FGF20: variants seen among roughly 807,000 people sequenced by gnomAD.
FGF20 encodes fibroblast growth factor 20.
Under a neutral mutation model 16.7 loss-of-function variants are expected in FGF20, and 8 were observed. The observed-to-expected ratio is 0.48, with a 90% CI of 0.28 to 0.87. The LOEUF (loss-of-function observed/expected upper bound fraction) is 0.87. Among genes scored for constraint, FGF20 ranks in the 40% least tolerant of loss-of-function variants. The pLI is 0.10. For missense variants in FGF20, 397 were observed against 281.4 expected (o/e 1.41, Z -2.94); for synonymous variants, 161 against 118.6 (o/e 1.36, Z -2.32).
intron 1 of FGF20, among the ~76,000 whole-genome samples, chr8:16,997,874 T>C (rs538732553): frequency 6.6e-6 from 1 of 152,346 alleles, no homozygotes; most frequent in African/African-American, 2.4e-5. Flanking sequence ...ATTCAGGCTA[T>C]AATTACAAAT....
intron 1 of FGF20, among the ~76,000 whole-genome samples, chr8:16,996,567 A>C (rs577961205): frequency 6.6e-6 from 1 of 152,336 alleles, no homozygotes; most frequent in South Asian, 2.1e-4. Flanking sequence ...TGATCTCATC[A>C]GTTAATTATA....
intron 2 of FGF20, 38 bp from the exon 3 acceptor site, chr8:16,993,355 T>A: frequency 6.5e-7 from 1 of 1,537,570 alleles, no homozygotes. Context: ...TTTAAAAAAA[T>A]ACCTTTGAGA....
chr8:17,002,233 G>A lies in FGF20; in HGVS notation c.-201C>T. 2.0e-6 allele frequency: 1 copy of A among 501,170 alleles called. No individual in the cohort carries two copies. Among genetic ancestry groups the A allele is most frequent in the Non-Finnish European group, 3.3e-6 (1 of 300,506 alleles). The allele number at this position is 501,170 out of a possible 1,614,324, so 31.0% of individuals were successfully genotyped here. Reference sequence around the variant, plus strand: ...TCTTGGAGCGATCTTCTCTCCTTGGGTAGGTGGGAGCCGGCTGCTGGCTCT... The same window carrying A: ...TCTTGGAGCGATCTTCTCTCCTTGGATAGGTGGGAGCCGGCTGCTGGCTCT... On this transcript the variant is annotated 5_prime_UTR_variant, in exon 1 of 3. Transcript: ENST00000180166.
At position 17,002,089 on chromosome 8, in the gene FGF20, G is replaced by A. The variant is rs149242678; in HGVS notation, c.-57C>T. On this transcript the variant is annotated 5_prime_UTR_variant, in exon 1 of 3. Transcript: ENST00000180166. Reference sequence around the variant, plus strand: ...CCCAGTAAAGAGTGTTGTGGGGGTGGGATGGAGGTGGATAGAGAAAAATTA... The same window carrying A: ...CCCAGTAAAGAGTGTTGTGGGGGTGAGATGGAGGTGGATAGAGAAAAATTA... The A allele has an allele frequency of 6.9e-7, 1 of 1,446,178 alleles. No homozygotes were observed. Among genetic ancestry groups the A allele is most frequent in the Non-Finnish European group, 9.1e-7 (1 of 1,099,412 alleles). The allele number at this position is 1,446,178 out of a possible 1,614,324, so 89.6% of individuals were successfully genotyped here. A position where few individuals can be genotyped will look rare whatever the true frequency, so the allele number is the denominator to read the frequency against.
intron 1 of FGF20, among the ~76,000 whole-genome samples, chr8:17,001,095 G>C (rs1989755): frequency 0.82 from 120,083 of 146,262 alleles, 49,700 homozygotes; most frequent in East Asian, 1. Context: ...CTTAGGAGCT[G>C]AGGGAACCTC....
At chr8:17,000,037 AG>A (rs1312270244) in intron 1 of FGF20, among the ~76,000 whole-genome samples, 2 of 152,194 alleles carry the variant, frequency 1.3e-5, no homozygotes, top group Non-Finnish European at 1.5e-5. Context: ...AAGAGAACTG[AG>A]CCACCTGGTG....
At chr8:16,994,081 C>T (rs1809986255) in intron 2 of FGF20, among the ~76,000 whole-genome samples, 1 of 152,102 alleles carries the variant, frequency 6.6e-6, no homozygotes, top group African/African-American at 2.4e-5. Flanking sequence ...AATGTCAGTT[C>T]CCAATTTTAT....
intron 2 of FGF20, among the ~76,000 whole-genome samples, chr8:16,994,089 T>C (rs11998184): frequency 0.17 from 26,370 of 152,068 alleles, 2,719 homozygotes; most frequent in East Asian, 0.46. Context: ...TTCCCAATTT[T>C]ATTTTCAAAT....
At chr8:16,993,727 G>C (rs1024718793) in intron 2 of FGF20, among the ~76,000 whole-genome samples, 2 of 152,158 alleles carry the variant, frequency 1.3e-5, no homozygotes, top group Non-Finnish European at 2.9e-5. Context: ...CCCTGAGCTT[G>C]TTTTCTTGCA....
rs539071122 is a variant in FGF20 at position 17,002,232 on chromosome 8, G to C, written c.-200C>G. The C allele has an allele frequency of 3.0e-5, 15 of 506,678 alleles. No individual in the cohort carries two copies. The highest frequency in any genetic ancestry group is 2.8e-4 in the African/African-American group (14 of 49,252). The allele number at this position is 506,678 out of a possible 1,614,324, so 31.4% of individuals were successfully genotyped here. On this transcript the variant is annotated 5_prime_UTR_variant, in exon 1 of 3. Coordinates refer to ENST00000180166, the MANE Select transcript of FGF20 (RefSeq NM_019851.3). ...GTCTTGGAGCGATCTTCTCTCCTTGGGTAGGTGGGAGCCGGCTGCTGGCTC... is the reference window on the plus strand; with the variant it reads ...GTCTTGGAGCGATCTTCTCTCCTTGCGTAGGTGGGAGCCGGCTGCTGGCTC...
Position 17,001,760 on chromosome 8 carries a change from G to T in FGF20, c.273C>A (p.Asp91Glu), listed in dbSNP as rs1419715913. 1.3e-6 allele frequency: 2 copies of T among 1,577,826 alleles called. No individual in the cohort carries two copies. Among genetic ancestry groups the T allele is most frequent in the South Asian group, 1.1e-5 (1 of 87,988 alleles). ...PDGSVQGTRQ[D>E]HSLFGILEFI... ...GCTAGTACGTACCGAAGAGGCTGTG[G>T]TCCTGCCGGGTGCCCTGCACGCTGC... is the stretch of plus-strand genomic sequence containing the variant. The change falls in exon 1 of 3, where the codon GAC becomes GAA. Residue 91 changes from aspartate to glutamate, a missense_variant. By Grantham distance (45) the Asp-to-Glu change is conservative. Coordinates refer to ENST00000180166, the MANE Select transcript of FGF20 (RefSeq NM_019851.3).
At chr8:16,999,270 CA>C (rs1352209916) in intron 1 of FGF20, among the ~76,000 whole-genome samples, 2 of 152,138 alleles carry the variant, frequency 1.3e-5, no homozygotes, top group Non-Finnish European at 2.9e-5. Context: ...TTCAATCTGT[CA>C]ATTTTTTTGC....
At chr8:16,997,400 C>G (rs1476228646) in intron 1 of FGF20, among the ~76,000 whole-genome samples, 1 of 152,176 alleles carries the variant, frequency 6.6e-6, no homozygotes, top group African/African-American at 2.4e-5. Flanking sequence ...TAAGTCATTT[C>G]TTGATTTATT....
intron 1 of FGF20, among the ~76,000 whole-genome samples, chr8:16,999,476 T>A (rs1195185703): frequency 6.6e-6 from 1 of 151,902 alleles, no homozygotes; most frequent in Admixed American, 6.6e-5. Flanking sequence ...GAGGCCTTTT[T>A]TTTTCTGTCA....
intron 1 of FGF20, among the ~76,000 whole-genome samples, chr8:16,999,608 C>T (rs561120298): frequency 2.6e-4 from 37 of 144,896 alleles, no homozygotes; most frequent in East Asian, 1.1e-3. Context: ...CTGCAACCTG[C>T]GCCTCCCGGG....
In FGF20 at chr8:16,993,173, C is replaced by T. The variant is rs376046538; in HGVS notation, c.535G>A (p.Ala179Thr). 6.2e-6 allele frequency: 10 copies of T among 1,613,914 alleles called. No homozygotes were observed. Among genetic ancestry groups the T allele is most frequent in the Admixed American group, 1.7e-5 (1 of 59,974 alleles). ...AATTTCTGATGCCTCTTGGACCTGG[C>T]GCCATCTCTTGGAGTTCCGTCTTTG... ...LNKDGTPRDG[A>T]RSKRHQKFTH... is the part of the protein sequence containing the mutation. Residue 179 changes from alanine (A) to threonine (T), a missense_variant, in exon 3 of 3, where the codon GCC becomes ACC. Ala to Thr is a moderately conservative substitution (Grantham distance 58). Transcript: ENST00000180166.
rs1286360035 is a variant in FGF20, at chr8:17,002,280, G to A, written c.-248C>T. 2 of 432,016 alleles carry A rather than the reference G, an allele frequency of 4.6e-6. No individual in the cohort carries two copies. Among genetic ancestry groups the A allele is most frequent in the Non-Finnish European group, 8.0e-6 (2 of 249,422 alleles). The allele number at this position is 432,016 out of a possible 1,614,324, so 26.8% of individuals were successfully genotyped here. On this transcript the variant is annotated 5_prime_UTR_variant, in exon 1 of 3. Coordinates refer to ENST00000180166, the MANE Select transcript of FGF20 (RefSeq NM_019851.3). ...CTCTGCAGAAATATCTATAGCTGCC[G>A]CTGCCAATACTAGGACTAGGGCTGT...
Position 16,993,250 on chromosome 8 carries a change from G to C in FGF20, c.458C>G (p.Ser153Cys), listed in dbSNP as rs1249076606. 6.2e-7 allele frequency: 1 copy of C among 1,614,058 alleles called. No individual in the cohort carries two copies. The highest frequency in any genetic ancestry group is 1.1e-5 in the South Asian group (1 of 91,070). ...FEENWYNTYS[S>C]NIYKHGDTGR... Reference sequence around the variant, plus strand: ...AGTGTCTCCATGTTTATATATGTTAGATGAATAGGTGTTATACCAGTTCTC... The same window carrying C: ...AGTGTCTCCATGTTTATATATGTTACATGAATAGGTGTTATACCAGTTCTC... Residue 153 changes from serine (S) to cysteine (C), a missense_variant, in exon 3 of 3, where the codon TCT becomes TGT. Transcript: ENST00000180166.
intron 1 of FGF20, among the ~76,000 whole-genome samples, chr8:16,998,361 T>G (rs1810104189): frequency 6.6e-6 from 1 of 152,196 alleles, no homozygotes; most frequent in Non-Finnish European, 1.5e-5. Flanking sequence ...TCTTAAAGAT[T>G]TTAGTCACAC....
Sources: gnomAD v4.1 joint callset for allele counts (sites outside exome capture counted in the v4.1 genomes callset) on GRCh38, gnomAD v4.1.1 for gene constraint, MANE v1.5 for transcripts, NCBI Gene and HGNC (gene_info 2026-07-23, HGNC 2026-07-21) for gene names.